Variants in SETD2 observed in about 807,000 individuals in gnomAD.
SETD2 encodes the protein SET domain containing 2, histone lysine methyltransferase, also known as histone-lysine N-methyltransferase SETD2.
Under a neutral mutation model 242.1 loss-of-function variants are expected in SETD2, and 31 were observed. The ratio of observed to expected loss-of-function variants is 0.13; its 90% CI spans 0.10 to 0.17. The LOEUF (loss-of-function observed/expected upper bound fraction) is 0.17, where lower values mean the gene tolerates loss of function less well. Ranked by LOEUF, SETD2 falls within the 10% of genes least tolerant of loss-of-function variation. The probability of loss-of-function intolerance (pLI) is 1.00; values close to 1 mark genes in which losing one functional copy is unlikely to be tolerated. For missense variants in SETD2, 2,481 were observed against 3,046.3 expected (o/e 0.81, Z 4.37); for synonymous variants, 1,006 against 1,066.5 (o/e 0.94, Z 1.11).
intron 18 of SETD2, among the ~76,000 whole-genome samples, 176 bp from the exon 19 acceptor site, chr3:47,020,016 T>C (rs904208356): frequency 6.6e-6 from 1 of 152,102 alleles, no homozygotes; most frequent in Non-Finnish European, 1.5e-5. Flanking sequence ...GGCTATTATG[T>C]TTCAAATCCT....
chr3:47,067,206 G>T, intron 12 of SETD2, 88 bp from the exon 13 acceptor site: 1 of 976,538 alleles, frequency 1.0e-6, no homozygotes, highest in African/African-American at 1.6e-5. Flanking sequence ...TGACAATAAA[G>T]AAATGGAAAG....
intron 1 of SETD2, among the ~76,000 whole-genome samples, chr3:47,142,468 C>T (rs910061287): frequency 1.3e-5 from 2 of 152,000 alleles, no homozygotes; most frequent in Non-Finnish European, 2.9e-5. Flanking sequence ...GACATGGTGC[C>T]ACTGCACTCC....
chr3:47,077,601 C>T (rs913414385), intron 12 of SETD2, among the ~76,000 whole-genome samples: 4 of 152,130 alleles, frequency 2.6e-5, no homozygotes, highest in African/African-American at 7.2e-5. Context: ...TTAATTGATA[C>T]ACACACACAT....
At chr3:47,111,079 T>A (rs1330289707) in intron 5 of SETD2, among the ~76,000 whole-genome samples, 23,271 of 79,060 alleles carry the variant, frequency 0.29, 5,224 homozygotes, top group South Asian at 0.38. Flanking sequence ...GTGGTTCCTT[T>A]AAAAAAAAAA....
At chr3:47,137,481 G>T (rs141870404) in intron 1 of SETD2, among the ~76,000 whole-genome samples, 1 of 152,098 alleles carries the variant, frequency 6.6e-6, no homozygotes, top group African/African-American at 2.4e-5. Flanking sequence ...GTGAGCCACC[G>T]CGCCCAGCCT....
intron 18 of SETD2, among the ~76,000 whole-genome samples, chr3:47,023,413 A>AAAAT (rs2038328493): frequency 6.6e-6 from 1 of 152,274 alleles, no homozygotes; most frequent in African/African-American, 2.4e-5. Flanking sequence ...AAAGAAAAAA[A>AAAAT]AAATACTGTT....
chr3:47,164,804 A>T (rs949013776), upstream of SETD2, among the ~76,000 whole-genome samples: 2 of 151,394 alleles, frequency 1.3e-5, no homozygotes, highest in Non-Finnish European at 2.9e-5. This position sits in a 1 kb window ranked among gnomAD's most constrained non-coding sequence, Gnocchi z 5.4. Flanking sequence ...TCCTACCTCC[A>T]CCTCGGCGCG....
chr3:47,162,280 TA>T (rs1697511293), intron 1 of SETD2, among the ~76,000 whole-genome samples: 1 of 152,142 alleles, frequency 6.6e-6, no homozygotes, highest in African/African-American at 2.4e-5. Context: ...AATCGTGATA[TA>T]AAATTTTTTT....
In SETD2 at chr3:47,123,309, T is replaced by G; in HGVS notation, c.1327A>C (p.Arg443=). 6.4e-7 allele frequency: 1 copy of G among 1,551,776 alleles called. No individual in the cohort carries two copies. The highest frequency in any genetic ancestry group is 8.7e-7 in the Non-Finnish European group (1 of 1,147,004). ...GTGTATGGCCGAGAATAGCGCGTCCTCTCTCGATAAGGGGAGCTCCTATGG... is the reference window on the plus strand; with the variant it reads ...GTGTATGGCCGAGAATAGCGCGTCCGCTCTCGATAAGGGGAGCTCCTATGG... The part of the protein sequence containing the change: ...RYHRSSPYRE[R]TRYSRPYTDN... The change falls in exon 3 of 21, where the codon AGG becomes CGG. Residue 443 remains arginine, a synonymous_variant. Coordinates refer to ENST00000409792, the MANE Select transcript of SETD2 (RefSeq NM_014159.7).
In SETD2 at chr3:47,083,720, C is replaced by T; in HGVS notation, c.6060G>A (p.Lys2020=). Residue 2020 remains lysine (K), a splice_region_variant and synonymous_variant, in exon 12 of 21, where the codon AAG becomes AAA. Coordinates refer to ENST00000409792, the MANE Select transcript of SETD2 (RefSeq NM_014159.7). ...AAATGAACAAAAGATGCTTCCTTAC[C>T]TTTAGGTCTTTCCAACTGTCCAGGA... The part of the protein sequence containing the change: ...TKLLDSWKDL[K]EVYRIPKKSQ... 2 of 1,606,008 alleles carry T rather than the reference C, an allele frequency of 1.2e-6. No homozygotes were observed. Among genetic ancestry groups the T allele is most frequent in the Non-Finnish European group, 1.7e-6 (2 of 1,176,356 alleles).
At chr3:47,055,002 T>C (rs1156895613) in intron 15 of SETD2, among the ~76,000 whole-genome samples, 1 of 152,046 alleles carries the variant, frequency 6.6e-6, no homozygotes, top group Admixed American at 6.6e-5. Context: ...CCCATACTTA[T>C]CCCCACTGGC....
intron 16 of SETD2, among the ~76,000 whole-genome samples, chr3:47,043,012 G>A: frequency 6.7e-6 from 1 of 148,382 alleles, no homozygotes; most frequent in Admixed American, 6.7e-5. Context: ...TAACTAAATG[G>A]GATACAGAAA....
At chr3:47,159,947 C>T (rs1190591481) in intron 1 of SETD2, among the ~76,000 whole-genome samples, 5 of 151,834 alleles carry the variant, frequency 3.3e-5, no homozygotes, top group Admixed American at 3.3e-4. Context: ...TGCACTCCAG[C>T]CTGGGGGACA....
chr3:47,145,618 A>AT (rs1418223387), intron 1 of SETD2: 1 of 306,532 alleles, frequency 3.3e-6, no homozygotes, highest in African/African-American at 2.2e-5. Flanking sequence ...CTGTGGCATC[A>AT]TGTCAGCATT....
intron 3 of SETD2, among the ~76,000 whole-genome samples, chr3:47,119,114 T>C (rs980186684): frequency 6.6e-6 from 1 of 152,144 alleles, no homozygotes; most frequent in African/African-American, 2.4e-5. Flanking sequence ...GATTCTCAAC[T>C]AGCAGGAAAA....
intron 4 of SETD2, among the ~76,000 whole-genome samples, chr3:47,115,530 T>C (rs957844289): frequency 1.3e-5 from 2 of 152,158 alleles, no homozygotes; most frequent in Admixed American, 6.5e-5. Flanking sequence ...TTTGCAACAC[T>C]ATAACATGAG....
At chr3:47,052,951 G>A (rs1329495330) in intron 15 of SETD2, among the ~76,000 whole-genome samples, 7 of 151,862 alleles carry the variant, frequency 4.6e-5, no homozygotes, top group African/African-American at 7.2e-5. Context: ...GTGCAATGGC[G>A]CAATCTTGGC....
chr3:47,118,852 G>A (rs547846795), intron 3 of SETD2, among the ~76,000 whole-genome samples: 12 of 151,860 alleles, frequency 7.9e-5, no homozygotes, highest in Non-Finnish European at 1.6e-4. Flanking sequence ...CAAAGATCTT[G>A]TAAGTTCCAT....
chr3:47,073,934 C>T (rs2040938922), intron 12 of SETD2, among the ~76,000 whole-genome samples: 1 of 152,142 alleles, frequency 6.6e-6, no homozygotes, highest in Non-Finnish European at 1.5e-5. Flanking sequence ...TTTGGCAATG[C>T]TTATCAAAAT....
Sources: allele counts gnomAD v4.1 joint callset (sites outside exome capture counted in the v4.1 genomes callset), GRCh38; gene constraint gnomAD v4.1.1; non-coding constraint Gnocchi (gnomAD v3.1); transcripts MANE v1.5; gene names NCBI Gene and HGNC (gene_info 2026-07-23, HGNC 2026-07-21).